Variants in UBAP2 observed in about 807,000 individuals in gnomAD.
UBAP2 encodes ubiquitin-associated protein 2.
UBAP2 carries 75 observed loss-of-function variants against 139.6 expected under a neutral mutation model. The observed-to-expected ratio is 0.54, with a 90% confidence interval of 0.45 to 0.65. The LOEUF is 0.65. Ranked by LOEUF, UBAP2 falls within the 30% of genes least tolerant of loss-of-function variation. The probability of loss-of-function intolerance (pLI) is 0.00; values close to 1 mark genes in which losing one functional copy is unlikely to be tolerated. For missense variants in UBAP2, 1,368 were observed against 1,369.6 expected, an observed-to-expected ratio of 1.00 and a Z score of 0.02; for synonymous variants, 526 against 526.2, an observed-to-expected ratio of 1.00 and a Z score of 0.01.
intron 1 of UBAP2, among the ~76,000 whole-genome samples, chr9:34,039,489 C>T (rs1826842277): frequency 6.6e-6 from 1 of 152,106 alleles, no homozygotes; most frequent in South Asian, 2.1e-4. Flanking sequence ...ATAGGAGACT[C>T]CATTTTGTTC....
chr9:34,043,157 C>T (rs1396814348), intron 1 of UBAP2, among the ~76,000 whole-genome samples: 1 of 152,132 alleles, frequency 6.6e-6, no homozygotes, highest in Admixed American at 6.6e-5. Flanking sequence ...CCTCATATAT[C>T]ATCTACGGTA....
rs1554692782 is a variant in UBAP2 at position 34,035,514 on chromosome 9, A to AATATATATATATATATATATAT, written c.-42+13310_-42+13311insATATATATATATATATATATAT. ...GAGACTCCATCTAAAAAAAAAAAAAAATATATATATATAAAGATTAGCCAG... is the reference window on the plus strand; with the variant it reads ...GAGACTCCATCTAAAAAAAAAAAAAAATATATATATATATATATATATATATATATATATAAAGATTAGCCAG... On this transcript the variant is annotated intron_variant, in intron 1 of 28. Coordinates refer to ENST00000379238, the MANE Select transcript of UBAP2 (RefSeq NM_001370062.2). Among the ~76,000 whole-genome samples the AATATATATATATATATATATAT allele has an allele frequency of 1.3e-3, 29 of 22,420 alleles. 3 individuals are homozygous for AATATATATATATATATATATAT. Among genetic ancestry groups the AATATATATATATATATATATAT allele is most frequent in the South Asian group, 1.9e-3 (2 of 1,030 alleles). 14.7% of individuals were successfully genotyped at this position (22,420 alleles called of 152,430 possible).
chr9:33,967,443 A>C (rs1252905066), intron 8 of UBAP2, among the ~76,000 whole-genome samples: 1 of 152,224 alleles, frequency 6.6e-6, no homozygotes, highest in Non-Finnish European at 1.5e-5. Context: ...ACACCTGCTG[A>C]AAGTTTACAG....
chr9:34,043,497 G>A (rs912857973), intron 1 of UBAP2, among the ~76,000 whole-genome samples: 2 of 152,042 alleles, frequency 1.3e-5, no homozygotes, highest in African/African-American at 2.4e-5. Flanking sequence ...AAATCAGCAA[G>A]TATGCAAAGT....
At chr9:33,942,736 AAAAAAG>A (rs1186112467) in intron 15 of UBAP2, among the ~76,000 whole-genome samples, 16 of 136,938 alleles carry the variant, frequency 1.2e-4, no homozygotes, top group Admixed American at 6.3e-4. Flanking sequence ...TCAAAAAAAA[AAAAAAG>A]AAAAGAAAAG....
At chr9:33,966,320 A>G (rs1827450950) in intron 8 of UBAP2, among the ~76,000 whole-genome samples, 2 of 151,584 alleles carry the variant, frequency 1.3e-5, no homozygotes, top group Admixed American at 6.6e-5. Flanking sequence ...TTAGCTGGGC[A>G]TGGTGGTGCA....
intron 8 of UBAP2, among the ~76,000 whole-genome samples, chr9:33,964,411 G>T (rs968768255): frequency 8.5e-5 from 13 of 152,156 alleles, no homozygotes; most frequent in Admixed American, 7.2e-4. Flanking sequence ...TGAAAGAAAA[G>T]AGAGAGGAGG....
chr9:34,037,651 G>A (rs946888057), intron 1 of UBAP2, among the ~76,000 whole-genome samples: 2 of 152,130 alleles, frequency 1.3e-5, no homozygotes, highest in Non-Finnish European at 2.9e-5. Context: ...AGTAACAGCA[G>A]TAGTTATTTC....
intron 2 of UBAP2, among the ~76,000 whole-genome samples, chr9:34,006,051 T>C (rs532409010): frequency 5.3e-5 from 8 of 151,562 alleles, no homozygotes; most frequent in Admixed American, 5.3e-4. Flanking sequence ...GCCACCACAG[T>C]GAAACCCCAT....
chr9:33,987,772 A>G (rs1023242574), intron 5 of UBAP2, among the ~76,000 whole-genome samples: 5 of 152,240 alleles, frequency 3.3e-5, no homozygotes, highest in Non-Finnish European at 2.9e-5. Flanking sequence ...ACGTTAATGT[A>G]TCACAGAATT....
chr9:33,960,610 T>C (rs995245532), intron 10 of UBAP2, among the ~76,000 whole-genome samples: 12 of 151,756 alleles, frequency 7.9e-5, no homozygotes, highest in Middle Eastern at 3.4e-3. Context: ...ACATCGTCTC[T>C]ACTAAAAAAA....
At chr9:34,007,777 T>A (rs1823364352) in intron 2 of UBAP2, among the ~76,000 whole-genome samples, 1 of 151,768 alleles carries the variant, frequency 6.6e-6, no homozygotes, top group Non-Finnish European at 1.5e-5. Flanking sequence ...TAGCTGGGAC[T>A]ACAGGCACCC....
chr9:33,984,272 A>T (rs1821012876), intron 6 of UBAP2, among the ~76,000 whole-genome samples: 1 of 152,180 alleles, frequency 6.6e-6, no homozygotes, highest in African/African-American at 2.4e-5. Context: ...CATCTAAGAA[A>T]TTTGCAGGAT....
chr9:33,934,007 AGGGCACAGCAAG>A, intron 17 of UBAP2: 1 of 185,564 alleles, frequency 5.4e-6, no homozygotes, highest in South Asian at 1.2e-4. Context: ...AACTCCTCAA[AGGGCACAGCAAG>A]GGGGAGTAAG....
rs372220465 is a variant in UBAP2, at chr9:33,989,135, G to A, written c.289-9C>T. 8.2e-6 allele frequency: 13 copies of A among 1,594,074 alleles called. No individual in the cohort carries two copies. The African/African-American group carries it at 1.6e-4, about 20-fold the overall frequency. On this transcript the variant is annotated splice_polypyrimidine_tract_variant and intron_variant, in intron 4 of 28. Transcript: ENST00000379238. ...ACAGTCTCCCATGAAGTCTATCAGA[G>A]AGAACGGCTGTTAATCATTTATCAT...
intron 2 of UBAP2, among the ~76,000 whole-genome samples, chr9:34,014,629 G>A (rs546688050): frequency 5.3e-5 from 8 of 151,304 alleles, no homozygotes; most frequent in Non-Finnish European, 8.9e-5. Context: ...ACTCCATCTC[G>A]AAGAAACAAA....
chr9:34,014,727 G>A (rs920532164), intron 2 of UBAP2, among the ~76,000 whole-genome samples: 1 of 151,076 alleles, frequency 6.6e-6, no homozygotes, highest in Non-Finnish European at 1.5e-5. Flanking sequence ...CCCGGGAAGT[G>A]GAGGTTGGAG....
intron 4 of UBAP2, among the ~76,000 whole-genome samples, chr9:33,994,019 T>G: frequency 6.6e-6 from 1 of 151,474 alleles, no homozygotes. Flanking sequence ...CTCAGCCGCC[T>G]GAGTAGCTGG....
Position 34,035,514 on chromosome 9 carries a change from A to AAAAAAAATATATATAT in UBAP2, c.-42+13310_-42+13311insATATATATATTTTTTT. Among the ~76,000 whole-genome samples, 10 of 22,488 alleles carry AAAAAAAATATATATAT rather than the reference A, an allele frequency of 4.4e-4. 1 individual carries two copies. Among genetic ancestry groups the AAAAAAAATATATATAT allele is most frequent in the South Asian group, 1.9e-3 (2 of 1,032 alleles). The allele number at this position is 22,488 out of a possible 152,430, so 14.8% of individuals were successfully genotyped here. A position where few individuals can be genotyped will look rare whatever the true frequency, so the allele number is the denominator to read the frequency against. The stretch of plus-strand genomic sequence containing the variant: ...GAGACTCCATCTAAAAAAAAAAAAA[A>AAAAAAAATATATATAT]ATATATATATATAAAGATTAGCCAG... On this transcript the variant is annotated intron_variant, in intron 1 of 28. Coordinates refer to ENST00000379238, the MANE Select transcript of UBAP2 (RefSeq NM_001370062.2).
Sources: gnomAD v4.1 joint callset for allele counts (sites outside exome capture counted in the v4.1 genomes callset) on GRCh38, gnomAD v4.1.1 for gene constraint, MANE v1.5 for transcripts, NCBI Gene and HGNC (gene_info 2026-07-23, HGNC 2026-07-21) for gene names.